Variants in SEMA6D observed in about 807,000 individuals in gnomAD.
SEMA6D encodes the protein semaphorin 6D.
SEMA6D carries 35 observed loss-of-function variants against 106.6 expected under a neutral mutation model. The observed-to-expected ratio is 0.33, with a 90% CI of 0.25 to 0.44. The LOEUF (loss-of-function observed/expected upper bound fraction) is 0.44, where lower values mean the gene tolerates loss of function less well. Ranked by LOEUF, SEMA6D falls within the 20% of genes least tolerant of loss-of-function variation. SEMA6D has a pLI of 1.00. For synonymous variants in SEMA6D, 499 were observed against 487.7 expected (o/e 1.02, Z -0.31); for missense variants, 1,185 against 1,345.9 (o/e 0.88, Z 1.87).
At chr15:47,705,906 G>A (rs540977952) in intron 4 of SEMA6D, among the ~76,000 whole-genome samples, 3 of 152,320 alleles carry the variant, frequency 2.0e-5, no homozygotes, top group South Asian at 4.1e-4. Context: ...CCAATCAAGG[G>A]CAGCCTGCTT....
intron 1 of SEMA6D, among the ~76,000 whole-genome samples, chr15:47,317,860 T>C (rs1213037093): frequency 2.0e-5 from 3 of 152,108 alleles, no homozygotes; most frequent in Admixed American, 2.0e-4. Flanking sequence ...TGTTGTTTGC[T>C]TTTCTCCGAG....
chr15:47,491,941 A>G (rs2043489173), intron 3 of SEMA6D, among the ~76,000 whole-genome samples: 1 of 152,178 alleles, frequency 6.6e-6, no homozygotes, highest in Admixed American at 6.5e-5. Context: ...ACTCCTTTCT[A>G]TTGTAGCTAG....
chr15:47,615,793 C>T (rs1368485633), intron 4 of SEMA6D, among the ~76,000 whole-genome samples: 2 of 152,148 alleles, frequency 1.3e-5, no homozygotes, highest in African/African-American at 4.8e-5. Context: ...TGTCTCTTTG[C>T]GAAAGCATTT....
upstream of SEMA6D, among the ~76,000 whole-genome samples, chr15:47,713,219 TG>T (rs2079052518): frequency 6.6e-6 from 1 of 152,008 alleles, no homozygotes; most frequent in Admixed American, 6.6e-5. Context: ...TTCCTCAGAG[TG>T]TAGAGCAAAA....
At chr15:47,453,722 G>C (rs970643718) in intron 2 of SEMA6D, among the ~76,000 whole-genome samples, 3 of 151,894 alleles carry the variant, frequency 2.0e-5, no homozygotes, top group African/African-American at 7.2e-5. Context: ...ACTTCTAATA[G>C]CTCTTTTCAA....
Position 47,768,745 on chromosome 15 carries a change from A to C in SEMA6D, c.1930A>C (p.Lys644Gln). The C allele has an allele frequency of 6.2e-7, 1 of 1,612,682 alleles. No individual in the cohort carries two copies. The highest frequency in any genetic ancestry group is 1.3e-5 in the African/African-American group (1 of 74,994). Residue 644 changes from lysine to glutamine, a missense_variant, in exon 18 of 19, where the codon AAG becomes CAG. Coordinates refer to ENST00000536845, the MANE Select transcript of SEMA6D (RefSeq NM_001358351.3). ...TACTGATCCTTTATCGGGTATCCCA[A>C]AGGGTAAGGCCTCAGCAGGGACCTC... is the stretch of plus-strand genomic sequence containing the variant. ...DFTDPLSGIP[K>Q]GVRWEVQSGE... is the part of the protein sequence containing the mutation.
Position 47,762,962 on chromosome 15 carries a change from T to C in SEMA6D, c.659-54T>C, listed in dbSNP as rs1431442824. ...CAGTCATGCTTTGCAGTCGGGGTCT[T>C]ATGCTAATTGAATTATCCTTTAGGA... is the stretch of plus-strand genomic sequence containing the variant. On this transcript the variant is annotated intron_variant, in intron 8 of 18. Transcript: ENST00000536845. 5 of 1,356,444 alleles carry C rather than the reference T, an allele frequency of 3.7e-6. No homozygotes were observed. In the East Asian group the frequency reaches 7.1e-5, roughly 19 times the overall value. 84.0% of individuals were successfully genotyped at this position (1,356,444 alleles called of 1,614,324 possible).
At chr15:47,610,879 A>G (rs1195799678) in intron 4 of SEMA6D, among the ~76,000 whole-genome samples, 1 of 152,218 alleles carries the variant, frequency 6.6e-6, no homozygotes, top group African/African-American at 2.4e-5. Context: ...ATACTACTGT[A>G]GCTCATTTTG....
intron 1 of SEMA6D, among the ~76,000 whole-genome samples, chr15:47,375,222 G>T (rs563045725): frequency 6.6e-6 from 1 of 152,250 alleles, no homozygotes; most frequent in African/African-American, 2.4e-5. Flanking sequence ...GTTGAAACTG[G>T]CACAGCATGA....
chr15:47,435,245 A>G (rs568053402), intron 2 of SEMA6D, among the ~76,000 whole-genome samples: 83 of 152,246 alleles, frequency 5.5e-4, no homozygotes, highest in African/African-American at 1.5e-3. Context: ...ACAACAGTCT[A>G]GAATTCCTGT....
At chr15:47,290,629 TACAC>T (rs5812371) in intron 1 of SEMA6D, among the ~76,000 whole-genome samples, 258 of 150,872 alleles carry the variant, frequency 1.7e-3, no homozygotes, top group African/African-American at 5.8e-3. Context: ...TATATATATA[TACAC>T]ACACACACAC....
chr15:47,519,096 C>A (rs1022910917), intron 3 of SEMA6D, among the ~76,000 whole-genome samples: 1 of 150,240 alleles, frequency 6.7e-6, no homozygotes, highest in Non-Finnish European at 1.5e-5. Flanking sequence ...GCATGGTGGT[C>A]AAATACAAAA....
chr15:47,374,615 A>C (rs2039387157), intron 1 of SEMA6D, among the ~76,000 whole-genome samples: 1 of 152,154 alleles, frequency 6.6e-6, no homozygotes, highest in Non-Finnish European at 1.5e-5. Flanking sequence ...GGCTGTGTCC[A>C]CTACATATGA....
At chr15:47,657,544 G>A (rs1446277580) in intron 4 of SEMA6D, among the ~76,000 whole-genome samples, 1 of 151,654 alleles carries the variant, frequency 6.6e-6, no homozygotes, top group Non-Finnish European at 1.5e-5. Context: ...CTTATTACAT[G>A]TATTTTACAA....
chr15:47,404,886 T>A (rs2040509987), intron 1 of SEMA6D, among the ~76,000 whole-genome samples: 1 of 152,158 alleles, frequency 6.6e-6, no homozygotes, highest in African/African-American at 2.4e-5. Flanking sequence ...AATCTGTAGT[T>A]TCATACATGC....
At chr15:47,417,781 T>G (rs2041022574) in intron 2 of SEMA6D, among the ~76,000 whole-genome samples, 1 of 151,994 alleles carries the variant, frequency 6.6e-6, no homozygotes, top group Non-Finnish European at 1.5e-5. Flanking sequence ...GTGAAAGACA[T>G]TAATCACTTT....
At chr15:47,315,565 A>T (rs763143300) in intron 1 of SEMA6D, among the ~76,000 whole-genome samples, 2 of 152,144 alleles carry the variant, frequency 1.3e-5, no homozygotes, top group Admixed American at 6.5e-5. Flanking sequence ...CTTCAATATT[A>T]TGTTGTTTAT....
At chr15:47,727,617 A>C (rs183541267) in intron 1 of SEMA6D, among the ~76,000 whole-genome samples, 1 of 152,320 alleles carries the variant, frequency 6.6e-6, no homozygotes, top group Non-Finnish European at 1.5e-5. Flanking sequence ...ATGAAAGACT[A>C]AAGAAAGTAA....
In SEMA6D at chr15:47,770,774, G is replaced by A. The variant is rs1260416456; in HGVS notation, c.2211G>A (p.Leu737=). The change falls in exon 19 of 19, where the codon CTG becomes CTA. Residue 737 remains leucine, a synonymous_variant. Transcript: ENST00000536845. Reference sequence around the variant, plus strand: ...AACAGAATATTGATTCTCCTAAACTGTATAGTAACCTGCTAACCAGTCGGA... The same window carrying A: ...AACAGAATATTGATTCTCCTAAACTATATAGTAACCTGCTAACCAGTCGGA... ...EYQQNIDSPK[L]YSNLLTSRKE... 1.9e-6 allele frequency: 3 copies of A among 1,614,068 alleles called. No homozygotes were observed. Among genetic ancestry groups the A allele is most frequent in the Admixed American group, 1.7e-5 (1 of 60,010 alleles).
Sources: gnomAD v4.1 joint callset for allele counts (sites outside exome capture counted in the v4.1 genomes callset) on GRCh38, gnomAD v4.1.1 for gene constraint, MANE v1.5 for transcripts, NCBI Gene and HGNC (gene_info 2026-07-23, HGNC 2026-07-21) for gene names.